The following SOX5 variants were observed in gnomAD, a reference collection of about 807,000 sequenced individuals.
SOX5 encodes the protein SRY-box transcription factor 5.
SOX5 carries 9 observed loss-of-function variants against 92.0 expected under a neutral mutation model. The ratio of observed to expected loss-of-function variants is 0.10; its 90% confidence interval spans 0.06 to 0.17. The LOEUF (loss-of-function observed/expected upper bound fraction) is 0.17, where lower values mean the gene tolerates loss of function less well. Among genes scored for constraint, SOX5 ranks in the 10% least tolerant of loss-of-function variants. The pLI, the probability that SOX5 is intolerant of heterozygous loss-of-function variation, is 1.00. For synonymous variants in SOX5, 344 were observed against 336.3 expected (o/e 1.02, Z -0.25); for missense variants, 642 against 944.5 (o/e 0.68, Z 4.20).
At chr12:23,805,415 T>C (rs1293607450) in intron 3 of SOX5, among the ~76,000 whole-genome samples, 2 of 152,048 alleles carry the variant, frequency 1.3e-5, no homozygotes, top group Non-Finnish European at 2.9e-5. Context: ...AGATAAAACA[T>C]GTAAAGCGCA....
At chr12:24,343,028 A>G (rs985415598) in intron 2 of SOX5, among the ~76,000 whole-genome samples, 9 of 152,122 alleles carry the variant, frequency 5.9e-5, no homozygotes, top group Non-Finnish European at 7.4e-5. Context: ...TTTTTAAACT[A>G]GTAGTAACTC....
At chr12:23,633,874 T>C (rs2078874964) in intron 8 of SOX5, among the ~76,000 whole-genome samples, 2 of 152,170 alleles carry the variant, frequency 1.3e-5, no homozygotes, top group Admixed American at 1.3e-4. Context: ...TTGTGAATTA[T>C]AATGATTTTA....
At chr12:24,450,361 A>T (rs553682731) in intron 1 of SOX5, among the ~76,000 whole-genome samples, 29 of 152,184 alleles carry the variant, frequency 1.9e-4, no homozygotes, top group Non-Finnish European at 3.7e-4. Flanking sequence ...GTGGCTACAT[A>T]GCAGGTATAT....
intron 2 of SOX5, among the ~76,000 whole-genome samples, chr12:24,306,650 G>A (rs1282074428): frequency 2.0e-5 from 3 of 152,124 alleles, no homozygotes; most frequent in Non-Finnish European, 4.4e-5. Flanking sequence ...ACTTCTGGGG[G>A]CTCAAAACAT....
chr12:23,656,401 G>A (rs2082309317), intron 7 of SOX5, among the ~76,000 whole-genome samples: 1 of 152,004 alleles, frequency 6.6e-6, no homozygotes. Context: ...TACTAGAAAT[G>A]GAACTGGTTA....
intron 1 of SOX5, among the ~76,000 whole-genome samples, chr12:24,480,875 T>C (rs1207507292): frequency 6.6e-6 from 1 of 152,022 alleles, no homozygotes; most frequent in African/African-American, 2.4e-5. Flanking sequence ...AAAATAGAGC[T>C]AGCATATGAT....
chr12:24,015,074 C>G (rs141338728), intron 4 of SOX5, among the ~76,000 whole-genome samples: 2 of 152,092 alleles, frequency 1.3e-5, no homozygotes, highest in East Asian at 3.9e-4. Flanking sequence ...CTCTTTCCCT[C>G]TCTCTCTCTT....
At chr12:24,157,235 TAAGTA>T (rs1952277031) in intron 4 of SOX5, among the ~76,000 whole-genome samples, 1 of 152,152 alleles carries the variant, frequency 6.6e-6, no homozygotes. Flanking sequence ...AATATTTGAT[TAAGTA>T]AATATAAATC....
chr12:24,010,370 G>T (rs1261327990), intron 4 of SOX5, among the ~76,000 whole-genome samples: 1 of 152,174 alleles, frequency 6.6e-6, no homozygotes, highest in Non-Finnish European at 1.5e-5. Flanking sequence ...TGTGTGTATG[G>T]AGGAAAGAAA....
chr12:23,836,057 T>C (rs1034320860), intron 3 of SOX5, among the ~76,000 whole-genome samples: 4 of 151,834 alleles, frequency 2.6e-5, no homozygotes, highest in South Asian at 2.1e-4. Context: ...ACTTAATACA[T>C]GGTAACAATT....
At chr12:24,431,692 G>A (rs1391005115) in intron 1 of SOX5, among the ~76,000 whole-genome samples, 1 of 152,134 alleles carries the variant, frequency 6.6e-6, no homozygotes, top group Non-Finnish European at 1.5e-5. Flanking sequence ...CTTCATACCA[G>A]TGAGCACATT....
At chr12:23,673,598 C>A (rs974862229) in intron 6 of SOX5, among the ~76,000 whole-genome samples, 2 of 151,876 alleles carry the variant, frequency 1.3e-5, no homozygotes, top group African/African-American at 4.8e-5. Flanking sequence ...CAATAAAATT[C>A]CCTATTACTT....
intron 4 of SOX5, among the ~76,000 whole-genome samples, chr12:24,117,555 T>A (rs1461944729): frequency 6.6e-6 from 1 of 152,142 alleles, no homozygotes; most frequent in Non-Finnish European, 1.5e-5. Flanking sequence ...AGCCAACATA[T>A]GAAAGCAACC....
chr12:23,607,448 C>T (rs1169273589), intron 8 of SOX5, among the ~76,000 whole-genome samples: 1 of 152,154 alleles, frequency 6.6e-6, no homozygotes, highest in African/African-American at 2.4e-5. Context: ...TATCTGGCTA[C>T]ATATGTAAGA....
At chr12:24,481,561 G>A (rs866572225) in intron 1 of SOX5, among the ~76,000 whole-genome samples, 3 of 151,936 alleles carry the variant, frequency 2.0e-5, no homozygotes, top group African/African-American at 4.8e-5. Context: ...CTAGGTACCC[G>A]CAAAAATTAA....
chr12:23,558,476 C>A (rs1945619788), intron 11 of SOX5, among the ~76,000 whole-genome samples: 1 of 152,158 alleles, frequency 6.6e-6, no homozygotes, highest in Non-Finnish European at 1.5e-5. Flanking sequence ...GTAGGTGCAG[C>A]AACCATTTTG....
intron 1 of SOX5, among the ~76,000 whole-genome samples, chr12:24,455,188 T>G (rs1020380561): frequency 6.6e-6 from 1 of 152,188 alleles, no homozygotes; most frequent in Non-Finnish European, 1.5e-5. Context: ...GTTAATCCAT[T>G]GCACAGGAGA....
intron 9 of SOX5, among the ~76,000 whole-genome samples, chr12:23,600,099 T>C (rs936861819): frequency 1.3e-5 from 2 of 152,216 alleles, no homozygotes; most frequent in African/African-American, 4.8e-5. Flanking sequence ...CATTATTGTA[T>C]ATGTGATTCA....
At chr12:23,764,968 T>C (rs532641224) in intron 3 of SOX5, among the ~76,000 whole-genome samples, 1 of 152,174 alleles carries the variant, frequency 6.6e-6, no homozygotes, top group African/African-American at 2.4e-5. Flanking sequence ...AAAGCTGACA[T>C]GATTCATATG....
Sources: gnomAD v4.1 joint callset for allele counts (sites outside exome capture counted in the v4.1 genomes callset) on GRCh38, gnomAD v4.1.1 for gene constraint, MANE v1.5 for transcripts, NCBI Gene and HGNC (gene_info 2026-07-23, HGNC 2026-07-21) for gene names.